Variants in PLD5 observed in about 807,000 individuals in gnomAD.
PLD5 encodes the protein inactive phospholipase D5.
A neutral mutation model predicts 61.1 loss-of-function variants in PLD5; 36 were observed. The observed-to-expected ratio is 0.59, with a 90% CI of 0.45 to 0.78. The LOEUF is 0.78. PLD5 is among the 30% of genes least tolerant of loss of function. The pLI is 0.00. For missense variants in PLD5, 515 were observed against 644.4 expected, an observed-to-expected ratio of 0.80 and a Z score of 2.17; for synonymous variants, 243 against 242.8, an observed-to-expected ratio of 1.00 and a Z score of -0.01.
chr1:242,112,325 A>ATGT (rs376213443), intron 7 of PLD5, among the ~76,000 whole-genome samples: 1 of 55,096 alleles, frequency 1.8e-5, no homozygotes, highest in African/African-American at 1.1e-4. Context: ...GTGTGTGTGT[A>ATGT]TGTATGTATA....
In PLD5 at chr1:242,113,084, C is replaced by CTT. The variant is rs71570931; in HGVS notation, c.1070+804_1070+805dup. Among the ~76,000 whole-genome samples, 486 of 110,576 alleles carry CTT rather than the reference C, an allele frequency of 4.4e-3. 4 individuals carry two copies. Among genetic ancestry groups the CTT allele is most frequent in the African/African-American group, 5.5e-3 (159 of 28,694 alleles). 72.5% of individuals were successfully genotyped at this position (110,576 alleles called of 152,430 possible). A position where few individuals can be genotyped will look rare whatever the true frequency, so the allele number is the denominator to read the frequency against. ...ATTTGAAGTTTCTTTCTCTCTCTCT[C>CTT]TTTTTTTTTTTTTTTTTTTTTTTGA... On this transcript the variant is annotated intron_variant, in intron 7 of 9. Coordinates refer to ENST00000536534, the MANE Select transcript of PLD5 (RefSeq NM_001372062.1).
chr1:242,245,037 C>G (rs550063145), intron 4 of PLD5, among the ~76,000 whole-genome samples: 2 of 152,210 alleles, frequency 1.3e-5, no homozygotes, highest in African/African-American at 4.8e-5. Context: ...TTTGTCAATA[C>G]TGATTATGCT....
intron 6 of PLD5, among the ~76,000 whole-genome samples, chr1:242,114,241 ATTCTT>A (rs796659150): frequency 2.5e-4 from 38 of 152,296 alleles, no homozygotes; most frequent in African/African-American, 8.9e-4. Context: ...TTTGGAAAGA[ATTCTT>A]TTATTATCTG....
chr1:242,298,385 TCAA>T (rs1675837350), intron 2 of PLD5, among the ~76,000 whole-genome samples: 1 of 152,352 alleles, frequency 6.6e-6, no homozygotes, highest in Admixed American at 6.5e-5. Context: ...CATAGCATCG[TCAA>T]CAACAACCCT....
chr1:242,083,618 T>C lies in PLD5; in HGVS notation c.*6236A>G, dbSNP rs1380098715. The C allele has an allele frequency of 6.6e-6, 1 of 152,196 alleles. No individual in the cohort carries two copies. The highest frequency in any genetic ancestry group is 2.4e-5 in the African/African-American group (1 of 41,446). 9.4% of individuals were successfully genotyped at this position (152,196 alleles called of 1,614,324 possible). On this transcript the variant is annotated 3_prime_UTR_variant, in exon 10 of 10. Transcript: ENST00000536534. ...ATCAGTACCATAACTTTGCTGAAAA[T>C]ATGGTGTTGCCTTCTTGTTATTACA...
intron 2 of PLD5, among the ~76,000 whole-genome samples, chr1:242,343,040 T>C (rs1446862425): frequency 1.3e-5 from 2 of 152,084 alleles, no homozygotes; most frequent in East Asian, 3.9e-4. Context: ...GCAGAATGAA[T>C]CAGAATGGGA....
chr1:242,495,270 ACCAGTTTCCAGCAC>A (rs1668334141), intron 1 of PLD5, among the ~76,000 whole-genome samples: 2 of 152,192 alleles, frequency 1.3e-5, no homozygotes, highest in East Asian at 1.9e-4. Context: ...ATGCTTGTTC[ACCAGTTTCCAGCAC>A]CCAAGGGCCC....
At chr1:242,497,009 C>T (rs971777482) in intron 1 of PLD5, among the ~76,000 whole-genome samples, 1 of 152,220 alleles carries the variant, frequency 6.6e-6, no homozygotes, top group Non-Finnish European at 1.5e-5. Flanking sequence ...GAGAAACACA[C>T]ACTCCAGAAG....
At chr1:242,272,822 T>G (rs528331971) in intron 3 of PLD5, among the ~76,000 whole-genome samples, 1 of 152,334 alleles carries the variant, frequency 6.6e-6, no homozygotes, top group East Asian at 1.9e-4. Flanking sequence ...TTCATCATAT[T>G]AACATGGTAG....
chr1:242,121,117 C>T (rs535542728), intron 6 of PLD5, among the ~76,000 whole-genome samples: 1 of 152,200 alleles, frequency 6.6e-6, no homozygotes, highest in African/African-American at 2.4e-5. Context: ...TTCATCTTGG[C>T]ATTTGTCTGG....
intron 1 of PLD5, among the ~76,000 whole-genome samples, chr1:242,456,189 TG>T (rs557348650): frequency 5.3e-5 from 8 of 152,342 alleles, no homozygotes; most frequent in African/African-American, 1.9e-4. Context: ...ATCAAAAGCA[TG>T]CATTAGTTTG....
In PLD5 at chr1:242,129,956, C is replaced by G. The variant is rs537080334; in HGVS notation, c.736-5291G>C. 2.0e-5 allele frequency among the ~76,000 whole-genome samples: 3 copies of G among 152,134 alleles called. No individual in the cohort carries two copies. In the East Asian group the frequency reaches 5.8e-4, roughly 29 times the overall value. ...GTGGCCTCCAGTTCCATCCATGTTGCTATAAAAGACATGATTTCATTCTTT... is the reference window on the plus strand; with the variant it reads ...GTGGCCTCCAGTTCCATCCATGTTGGTATAAAAGACATGATTTCATTCTTT... On this transcript the variant is annotated intron_variant, in intron 5 of 9. Transcript: ENST00000536534.
chr1:242,297,706 C>G (rs1295385098), intron 2 of PLD5, among the ~76,000 whole-genome samples: 77 of 145,640 alleles, frequency 5.3e-4, no homozygotes, highest in Non-Finnish European at 1.3e-4. Flanking sequence ...GTGGCGCAAT[C>G]TCGGCTCACT....
chr1:242,519,558 C>T (rs375171658), intron 1 of PLD5, among the ~76,000 whole-genome samples: 17 of 152,302 alleles, frequency 1.1e-4, no homozygotes, highest in East Asian at 3.9e-4. Flanking sequence ...GACATCCTGC[C>T]GATAAATGAA....
At chr1:242,486,507 T>A (rs1667966178) in intron 1 of PLD5, among the ~76,000 whole-genome samples, 1 of 152,126 alleles carries the variant, frequency 6.6e-6, no homozygotes. Flanking sequence ...AAAACCACAA[T>A]GAGATACCAT....
At chr1:242,145,637 C>T (rs1057122679) in intron 5 of PLD5, among the ~76,000 whole-genome samples, 2 of 152,082 alleles carry the variant, frequency 1.3e-5, no homozygotes, top group African/African-American at 4.8e-5. Flanking sequence ...TTCAAGAAGA[C>T]AGCAACATGG....
At chr1:242,517,535 A>G (rs957194288) in intron 1 of PLD5, among the ~76,000 whole-genome samples, 3 of 152,128 alleles carry the variant, frequency 2.0e-5, no homozygotes, top group African/African-American at 7.2e-5. Flanking sequence ...AATAAAATGA[A>G]TTTTGTTATG....
chr1:242,159,945 C>A (rs1665692098), intron 5 of PLD5, among the ~76,000 whole-genome samples: 1 of 152,044 alleles, frequency 6.6e-6, no homozygotes, highest in African/African-American at 2.4e-5. Context: ...GCTGCATATT[C>A]TTTTGGTAGA....
At chr1:242,454,153 G>A (rs898403914) in intron 1 of PLD5, among the ~76,000 whole-genome samples, 1 of 151,988 alleles carries the variant, frequency 6.6e-6, no homozygotes, top group Non-Finnish European at 1.5e-5. Context: ...AGCATGGTGA[G>A]ACCCCTGTCT....
Sources: allele counts gnomAD v4.1 joint callset (sites outside exome capture counted in the v4.1 genomes callset), GRCh38; gene constraint gnomAD v4.1.1; transcripts MANE v1.5; gene names NCBI Gene and HGNC (gene_info 2026-07-23, HGNC 2026-07-21).